CD81: variants seen among roughly 807,000 people sequenced by gnomAD.
The protein encoded by CD81 is CD81 molecule, also known as CD81 antigen.
In CD81, 10 loss-of-function variants were observed where a neutral mutation model predicts 30.1. The observed-to-expected ratio is 0.33, with a 90% confidence interval of 0.21 to 0.56. The LOEUF is 0.56. Among genes scored for constraint, CD81 ranks in the 20% least tolerant of loss-of-function variants. The probability of loss-of-function intolerance (pLI) is 0.89; values close to 1 mark genes in which losing one functional copy is unlikely to be tolerated. For missense variants in CD81, 263 were observed against 308.7 expected, an observed-to-expected ratio of 0.85 and a Z score of 1.11; for synonymous variants, 147 against 126.4, an observed-to-expected ratio of 1.16 and a Z score of -1.10.
intron 1 of CD81, chr11:2,386,298 C>T: frequency 1.6e-6 from 1 of 642,502 alleles, no homozygotes; most frequent in Non-Finnish European, 2.8e-6. Flanking sequence ...ACGTTCAGGG[C>T]ACAGGTCCTT....
In CD81 at chr11:2,394,181, C is replaced by G. The variant is rs762178881; in HGVS notation, c.268C>G (p.Leu90Val). 2 of 1,609,320 alleles carry G rather than the reference C, an allele frequency of 1.2e-6. No individual in the cohort carries two copies. Among genetic ancestry groups the G allele is most frequent in the African/African-American group, 2.7e-5 (2 of 74,974 alleles). The change falls in exon 3 of 8, where the codon CTG becomes GTG. Residue 90 changes from leucine (L) to valine (V), a missense_variant. This residue lies in a region of CD81 where 176 missense variants were observed against 192.9 expected (regional missense o/e 0.91). Transcript: ENST00000263645. ...CYGAIQESQC[L>V]LGTFFTCLVI... Reference sequence around the variant, plus strand: ...CGGGGCCATCCAGGAATCCCAGTGCCTGCTGGGGACGGTAAGGCAGGGAGG... The same window carrying G: ...CGGGGCCATCCAGGAATCCCAGTGCGTGCTGGGGACGGTAAGGCAGGGAGG...
At chr11:2,391,850 G>A (rs1429895838) in intron 2 of CD81, 1 of 152,238 alleles carries the variant, frequency 6.6e-6, no homozygotes, top group Non-Finnish European at 1.5e-5. Context: ...CTGGGCTGTG[G>A]GTGGCAGAGC....
chr11:2,386,479 C>A, intron 1 of CD81: 1 of 708,618 alleles, frequency 1.4e-6, no homozygotes, highest in Admixed American at 2.0e-5. Flanking sequence ...CGTAGGTGGC[C>A]CTAGGGGGGT....
chr11:2,394,084 C>G lies in CD81; in HGVS notation c.182-11C>G. ...GTGTAGGCACCCACCTGGTGTCTCTCTCCCCGCAAGGCATCTACATCCTCA... is the reference window on the plus strand; with the variant it reads ...GTGTAGGCACCCACCTGGTGTCTCTGTCCCCGCAAGGCATCTACATCCTCA... On this transcript the variant is annotated splice_polypyrimidine_tract_variant and intron_variant, in intron 2 of 7. Coordinates refer to ENST00000263645, the MANE Select transcript of CD81 (RefSeq NM_004356.4). The G allele has an allele frequency of 1.9e-6, 3 of 1,607,638 alleles. No homozygotes were observed. Among genetic ancestry groups the G allele is most frequent in the South Asian group, 2.2e-5 (2 of 90,988 alleles).
rs1035678198 is a variant in CD81, at chr11:2,390,424, G to A, written c.79G>A (p.Val27Met). Residue 27 changes from valine to methionine, a missense_variant, in exon 2 of 8, where the codon GTG (valine) becomes ATG (methionine). By Grantham distance (21) the Val-to-Met change is conservative. This residue lies in a region of CD81 where 84 missense variants were observed against 98.2 expected (regional missense o/e 0.86). Coordinates refer to ENST00000263645, the MANE Select transcript of CD81 (RefSeq NM_004356.4). ...FNFVFWLAGG[V>M]ILGVALWLRH... ...CGCTCTTTCCCAGCTGGCTGGAGGCGTGATCCTGGGTGTGGCCCTGTGGCT... is the reference window on the plus strand; with the variant it reads ...CGCTCTTTCCCAGCTGGCTGGAGGCATGATCCTGGGTGTGGCCCTGTGGCT... 21 of 1,612,448 alleles carry A rather than the reference G, an allele frequency of 1.3e-5. No homozygotes were observed. Among genetic ancestry groups the A allele is most frequent in the Middle Eastern group, 1.6e-4 (1 of 6,072 alleles).
chr11:2,390,577 GGCAGGTCCTA>G, intron 2 of CD81, 51 bp downstream of exon 2: 1 of 1,333,422 alleles, frequency 7.5e-7, no homozygotes, highest in Non-Finnish European at 1.1e-6. Flanking sequence ...TCTAGGAGGA[GGCAGGTCCTA>G]GCCTTTTGGA....
At chr11:2,380,789 C>G (rs1191199822) in intron 1 of CD81, among the ~76,000 whole-genome samples, 1 of 152,214 alleles carries the variant, frequency 6.6e-6, no homozygotes, top group African/African-American at 2.4e-5. Context: ...TAAGAGTCTT[C>G]TCCTCGGGGG....
chr11:2,384,157 C>G (rs528340407), intron 1 of CD81, among the ~76,000 whole-genome samples: 2 of 152,240 alleles, frequency 1.3e-5, no homozygotes, highest in East Asian at 3.9e-4. Context: ...AGAAACAATC[C>G]TTCATAGAGT....
chr11:2,386,294 A>G, intron 1 of CD81: 1 of 647,882 alleles, frequency 1.5e-6, no homozygotes, highest in Admixed American at 2.3e-5. Flanking sequence ...GCATACGTTC[A>G]GGGCACAGGT....
intron 6 of CD81, 145 bp downstream of exon 6, chr11:2,396,115 A>C: frequency 2.2e-6 from 1 of 446,254 alleles, no homozygotes; most frequent in Non-Finnish European, 4.5e-6. Context: ...CTCTGCTGGG[A>C]GGGTTGGGGT....
intron 1 of CD81, among the ~76,000 whole-genome samples, chr11:2,388,508 A>C (rs749228070): frequency 6.6e-6 from 1 of 152,172 alleles, no homozygotes; most frequent in Non-Finnish European, 1.5e-5. Flanking sequence ...GGGGCTGTCC[A>C]GGTGGTGTTC....
At position 2,377,750 on chromosome 11, in the gene CD81, G is replaced by A; in HGVS notation, c.66+135G>A. 2.8e-6 allele frequency: 1 copy of A among 355,294 alleles called. No individual in the cohort carries two copies. Among genetic ancestry groups the A allele is most frequent in the Non-Finnish European group, 4.8e-6 (1 of 208,220 alleles). 22.0% of individuals were successfully genotyped at this position (355,294 alleles called of 1,614,324 possible). A position where few individuals can be genotyped will look rare whatever the true frequency, so the allele number is the denominator to read the frequency against. On this transcript the variant is annotated intron_variant, in intron 1 of 7. Transcript: ENST00000263645. The surrounding 1 kb of genome is among the most constrained non-coding windows in gnomAD (Gnocchi z 7.7). ...TTGTGGGGCCACCTGTGGGCTCCAGGAGCGGGGTGGGGGGTCGCCCGGGGC... is the reference window on the plus strand; with the variant it reads ...TTGTGGGGCCACCTGTGGGCTCCAGAAGCGGGGTGGGGGGTCGCCCGGGGC...
At chr11:2,386,651 GC>G (rs1240188776) in intron 1 of CD81, 1 of 716,398 alleles carries the variant, frequency 1.4e-6, no homozygotes, top group Admixed American at 2.0e-5. Flanking sequence ...TGAGGCCTCT[GC>G]CCAGTGCCTG....
chr11:2,376,333 G>C (rs1468057527), upstream of CD81: 1 of 152,208 alleles, frequency 6.6e-6, no homozygotes, highest in African/African-American at 2.4e-5. Context: ...ATGGTTCTCC[G>C]GACCTGGTCC....
intron 1 of CD81, among the ~76,000 whole-genome samples, chr11:2,387,311 G>T (rs1397927963): frequency 1.3e-5 from 2 of 152,212 alleles, no homozygotes; most frequent in Non-Finnish European, 2.9e-5. Flanking sequence ...CCAGGCCTCT[G>T]TGGGGATGAG....
intron 1 of CD81, chr11:2,385,964 T>C: frequency 1.4e-6 from 1 of 696,490 alleles, no homozygotes; most frequent in Non-Finnish European, 2.7e-6. Context: ...TTTCACTGCT[T>C]AAGCAGCAGT....
rs1340542723 is a variant in CD81, at chr11:2,396,922, A to G, written c.*56A>G. 5 of 1,519,340 alleles carry G rather than the reference A, an allele frequency of 3.3e-6. No individual in the cohort carries two copies. The African/African-American group carries it at 4.1e-5, about 13-fold the overall frequency. The allele number at this position is 1,519,340 out of a possible 1,614,324, so 94.1% of individuals were successfully genotyped here. On this transcript the variant is annotated 3_prime_UTR_variant, in exon 8 of 8. Transcript: ENST00000263645. Reference sequence around the variant, plus strand: ...GCAGTGCCCCCTAAGTGACCCGGACACTTCCGAGGGGGCCATCACCGCCTG... The same window carrying G: ...GCAGTGCCCCCTAAGTGACCCGGACGCTTCCGAGGGGGCCATCACCGCCTG...
At chr11:2,391,411 A>G (rs61235881) in intron 2 of CD81, 4,547 of 152,678 alleles carry the variant, frequency 0.03, 239 homozygotes, top group African/African-American at 0.1. Flanking sequence ...TTGCTGAACC[A>G]GGGCCCCAGG....
intron 1 of CD81, 75 bp from the exon 2 acceptor site, chr11:2,390,337 C>T (rs932553592): frequency 2.6e-6 from 3 of 1,137,996 alleles, no homozygotes; most frequent in African/African-American, 3.0e-5. Context: ...GCTGCTTAGG[C>T]CTTGCGTGTG....
Sources: allele counts gnomAD v4.1 joint callset (sites outside exome capture counted in the v4.1 genomes callset), GRCh38; gene constraint gnomAD v4.1.1; regional missense constraint gnomAD v4.1.1; non-coding constraint Gnocchi (gnomAD v3.1); transcripts MANE v1.5; gene names NCBI Gene and HGNC (gene_info 2026-07-23, HGNC 2026-07-21).